The following THSD4 variants were observed in gnomAD, a reference collection of about 807,000 sequenced individuals.
The protein encoded by THSD4 is thrombospondin type-1 domain-containing protein 4.
In THSD4, 69 loss-of-function variants were observed where a neutral mutation model predicts 119.0. The ratio of observed to expected loss-of-function variants is 0.58; its 90% CI spans 0.48 to 0.71. The LOEUF is 0.71. Ranked by LOEUF, THSD4 falls within the 30% of genes least tolerant of loss-of-function variation. The pLI, the probability that THSD4 is intolerant of heterozygous loss-of-function variation, is 0.00. For missense variants in THSD4, 1,393 were observed against 1,391.1 expected, an observed-to-expected ratio of 1.00 and a Z score of -0.02; for synonymous variants, 524 against 540.4, an observed-to-expected ratio of 0.97 and a Z score of 0.42.
At chr15:71,195,091 G>T (rs2043708016) in intron 3 of THSD4, among the ~76,000 whole-genome samples, 1 of 152,284 alleles carries the variant, frequency 6.6e-6, no homozygotes, top group East Asian at 1.9e-4. Context: ...TATGGGCAAG[G>T]CCTCGTGTTA....
chr15:71,528,755 G>A (rs908327698), intron 7 of THSD4, among the ~76,000 whole-genome samples: 2 of 152,186 alleles, frequency 1.3e-5, no homozygotes, highest in African/African-American at 4.8e-5. Flanking sequence ...AGATTCATCA[G>A]ATTTCCTGAC....
At chr15:71,427,871 A>AT (rs2046894517) in intron 7 of THSD4, among the ~76,000 whole-genome samples, 1 of 152,108 alleles carries the variant, frequency 6.6e-6, no homozygotes, top group Non-Finnish European at 1.5e-5. Context: ...TCCAACATTA[A>AT]AACAGATAAG....
At chr15:71,569,764 C>T (rs8028036) in intron 7 of THSD4, among the ~76,000 whole-genome samples, 26,263 of 152,198 alleles carry the variant, frequency 0.17, 2,590 homozygotes, top group Non-Finnish European at 0.22. Flanking sequence ...GAGACCAAGT[C>T]GGGCAGATCA....
At chr15:71,312,662 G>A (rs906763108) in intron 6 of THSD4, among the ~76,000 whole-genome samples, 1 of 151,984 alleles carries the variant, frequency 6.6e-6, no homozygotes, top group Non-Finnish European at 1.5e-5. Flanking sequence ...AACCTGCCAA[G>A]CCACACATGA....
At chr15:71,449,992 A>T (rs2047240238) in intron 7 of THSD4, among the ~76,000 whole-genome samples, 1 of 152,220 alleles carries the variant, frequency 6.6e-6, no homozygotes, top group South Asian at 2.1e-4. Context: ...CAATGCAAAG[A>T]GGTGGATTGG....
intron 6 of THSD4, among the ~76,000 whole-genome samples, chr15:71,384,428 G>C (rs1456175285): frequency 6.6e-6 from 1 of 152,032 alleles, no homozygotes; most frequent in Non-Finnish European, 1.5e-5. Context: ...CCTGGATTCA[G>C]CATGGATAGC....
intron 1 of THSD4, among the ~76,000 whole-genome samples, chr15:71,108,759 A>C (rs548218607): frequency 5.8e-4 from 88 of 152,324 alleles, no homozygotes; most frequent in African/African-American, 1.9e-3. Flanking sequence ...TGGGAGGCTG[A>C]GGCAGGCAGA....
intron 1 of THSD4, among the ~76,000 whole-genome samples, chr15:71,140,251 T>C (rs1386823092): frequency 6.6e-6 from 1 of 152,226 alleles, no homozygotes; most frequent in East Asian, 1.9e-4. Context: ...AGCATGGTGC[T>C]GGCTGGCATC....
In THSD4 at chr15:71,377,877, C is replaced by CACACACACACACACACAA. The variant is rs2046163902; in HGVS notation, c.1016-33793_1016-33792insAACACACACACACACACA. Among the ~76,000 whole-genome samples the CACACACACACACACACAA allele has an allele frequency of 6.6e-5, 5 of 75,642 alleles. 1 individual carries two copies. Among genetic ancestry groups the CACACACACACACACACAA allele is most frequent in the Admixed American group, 2.7e-4 (2 of 7,332 alleles). The allele number at this position is 75,642 out of a possible 152,430, so 49.6% of individuals were successfully genotyped here. A position where few individuals can be genotyped will look rare whatever the true frequency, so the allele number is the denominator to read the frequency against. On this transcript the variant is annotated intron_variant, in intron 6 of 17. Transcript: ENST00000261862. ...CCCGGACATATCCACAACACACACA[C>CACACACACACACACACAA]ACACACACACACACACACACACACA... is the stretch of plus-strand genomic sequence containing the variant.
chr15:71,597,787 C>T (rs540895323), intron 7 of THSD4, among the ~76,000 whole-genome samples: 1 of 152,168 alleles, frequency 6.6e-6, no homozygotes, highest in Non-Finnish European at 1.5e-5. Context: ...GAAAGCAGAT[C>T]CCTTCTCGTC....
At chr15:71,235,126 A>G (rs1403455811) in intron 4 of THSD4, among the ~76,000 whole-genome samples, 1 of 152,148 alleles carries the variant, frequency 6.6e-6, no homozygotes, top group African/African-American at 2.4e-5. Context: ...TCCCTCTCCT[A>G]GCTTAAAGTG....
intron 11 of THSD4, 88 bp from the exon 12 acceptor site, chr15:71,745,018 T>G: frequency 1.3e-6 from 2 of 1,509,050 alleles, no homozygotes; most frequent in Non-Finnish European, 1.8e-6. Flanking sequence ...CCTCTCTTCA[T>G]CAGCACCCGA....
chr15:71,365,131 T>TTGTGGGTGTGTGTGTG (rs2045941939), intron 6 of THSD4, among the ~76,000 whole-genome samples: 1 of 135,824 alleles, frequency 7.4e-6, no homozygotes, highest in Non-Finnish European at 1.6e-5. Flanking sequence ...GCCCCCCCCA[T>TTGTGGGTGTGTGTGTG]TGTGTGTGTG....
intron 4 of THSD4, among the ~76,000 whole-genome samples, chr15:71,239,542 T>C (rs2044135018): frequency 6.6e-6 from 1 of 152,216 alleles, no homozygotes; most frequent in African/African-American, 2.4e-5. Context: ...CTGCAAACTG[T>C]GCCTTTTCCA....
upstream of THSD4, chr15:71,111,746 A>G (rs1303043653): frequency 1.9e-6 from 1 of 523,268 alleles, no homozygotes; most frequent in African/African-American, 1.9e-5. Flanking sequence ...AAATGCTAGC[A>G]ACGTAGGGAA....
At chr15:71,423,957 C>T (rs965773090) in intron 7 of THSD4, among the ~76,000 whole-genome samples, 1 of 152,152 alleles carries the variant, frequency 6.6e-6, no homozygotes, top group Non-Finnish European at 1.5e-5. Flanking sequence ...TGTGACAGGG[C>T]AGCACTGAGT....
At chr15:71,192,088 G>C (rs1409463750) in intron 3 of THSD4, among the ~76,000 whole-genome samples, 2 of 151,978 alleles carry the variant, frequency 1.3e-5, no homozygotes, top group African/African-American at 4.8e-5. Context: ...ATTTTTAGTA[G>C]AGACGGGGTT....
At chr15:71,660,956 T>C (rs1457605827) in intron 8 of THSD4, among the ~76,000 whole-genome samples, 1 of 152,226 alleles carries the variant, frequency 6.6e-6, no homozygotes, top group Non-Finnish European at 1.5e-5. Flanking sequence ...TTAATATCTA[T>C]ACATTTAAAC....
At chr15:71,279,090 T>C (rs1420018403) in intron 6 of THSD4, among the ~76,000 whole-genome samples, 1 of 152,182 alleles carries the variant, frequency 6.6e-6, no homozygotes, top group Non-Finnish European at 1.5e-5. Flanking sequence ...TCAGTAACTA[T>C]TATGAGATGT....
Sources: gnomAD v4.1 joint callset for allele counts (sites outside exome capture counted in the v4.1 genomes callset) on GRCh38, gnomAD v4.1.1 for gene constraint, MANE v1.5 for transcripts, NCBI Gene and HGNC (gene_info 2026-07-23, HGNC 2026-07-21) for gene names.